DGKZ: variants seen among roughly 807,000 people sequenced by gnomAD.
DGKZ encodes diacylglycerol kinase zeta.
DGKZ carries 45 observed loss-of-function variants against 142.5 expected under a neutral mutation model. That is an observed-to-expected ratio of 0.32 (90% CI 0.25 to 0.40). The LOEUF is 0.40. DGKZ is among the 10% of genes least tolerant of loss of function. The pLI is 1.00. For synonymous variants in DGKZ, 442 were observed against 527.0 expected (o/e 0.84, Z 2.21); for missense variants, 755 against 1,306.5 (o/e 0.58, Z 6.51).
intron 1 of DGKZ, among the ~76,000 whole-genome samples, chr11:46,353,078 C>T (rs945440527): frequency 3.9e-5 from 6 of 152,206 alleles, no homozygotes; most frequent in African/African-American, 9.7e-5. Flanking sequence ...ACAGGAGTGG[C>T]GTTCCAGCTC....
intron 21 of DGKZ, 27 bp downstream of exon 21, chr11:46,375,978 G>C (rs1005060467): frequency 6.2e-7 from 1 of 1,611,634 alleles, no homozygotes. Context: ...GGCCTGGCAG[G>C]GTGGCCAGGA....
intron 25 of DGKZ, chr11:46,377,565 CTCGAACCCCCA>C (rs1944693886): frequency 3.1e-6 from 1 of 327,514 alleles, no homozygotes; most frequent in South Asian, 6.1e-5. Flanking sequence ...CATTCGTGCC[CTCGAACCCCCA>C]TCTCCATACC....
chr11:46,361,656 G>T, intron 1 of DGKZ: 1 of 985,594 alleles, frequency 1.0e-6, no homozygotes, highest in Non-Finnish European at 1.2e-6. Context: ...TGGATCCAGA[G>T]CCCGGCCTTG....
chr11:46,351,644 C>A (rs1941400037), intron 1 of DGKZ, among the ~76,000 whole-genome samples: 1 of 152,200 alleles, frequency 6.6e-6, no homozygotes, highest in Non-Finnish European at 1.5e-5. Flanking sequence ...CTCACCTGGG[C>A]TAATGCTGGG....
chr11:46,379,746 A>G (rs916485006), intron 30 of DGKZ, 85 bp from the exon 31 acceptor site: 2 of 1,397,768 alleles, frequency 1.4e-6, no homozygotes, highest in Non-Finnish European at 1.9e-6. Context: ...ACCAGGCCAC[A>G]GGGAGGTAGA....
chr11:46,355,740 T>C (rs1941943598), intron 1 of DGKZ, among the ~76,000 whole-genome samples: 1 of 151,638 alleles, frequency 6.6e-6, no homozygotes, highest in South Asian at 2.1e-4. Flanking sequence ...GGGGAGGTGT[T>C]AAATTTTTTT....
chr11:46,379,273 G>A (rs372720627), intron 29 of DGKZ, 37 bp downstream of exon 29: 8 of 1,612,316 alleles, frequency 5.0e-6, no homozygotes, highest in South Asian at 3.3e-5. Flanking sequence ...TGGTCACCCC[G>A]GAAACCACCC....
chr11:46,335,427 G>A (rs1039264435), intron 1 of DGKZ, among the ~76,000 whole-genome samples: 154 of 147,928 alleles, frequency 1.0e-3, no homozygotes, highest in African/African-American at 3.4e-3. Flanking sequence ...ACACGTGCAC[G>A]CACACACACA....
At chr11:46,341,483 G>A (rs61882675) in intron 1 of DGKZ, among the ~76,000 whole-genome samples, 25 of 152,182 alleles carry the variant, frequency 1.6e-4, no homozygotes, top group Non-Finnish European at 2.5e-4. Context: ...AATATTTGTC[G>A]TACAAATGAA....
intron 14 of DGKZ, 121 bp from the exon 15 acceptor site, chr11:46,374,036 C>A: frequency 9.4e-7 from 1 of 1,060,872 alleles, no homozygotes. Context: ...CCCTAGCGGA[C>A]GCTGCTGACC....
At chr11:46,378,538 TCCCTCGGGC>T in intron 27 of DGKZ, 38 bp downstream of exon 27, 1 of 1,612,786 alleles carries the variant, frequency 6.2e-7, no homozygotes, top group South Asian at 1.1e-5. Context: ...CCCCAGCAGC[TCCCTCGGGC>T]CCTGGGGAGC....
At chr11:46,352,476 C>T (rs1219536915) in intron 1 of DGKZ, among the ~76,000 whole-genome samples, 4 of 152,226 alleles carry the variant, frequency 2.6e-5, no homozygotes, top group Non-Finnish European at 4.4e-5. Flanking sequence ...CTCTAGCCTC[C>T]TGGCCCCACC....
At chr11:46,379,445 C>T (rs1944963530) in intron 29 of DGKZ, 24 bp from the exon 30 acceptor site, 1 of 1,600,872 alleles carries the variant, frequency 6.2e-7, no homozygotes, top group Non-Finnish European at 8.5e-7. Flanking sequence ...GGATGGGGTA[C>T]ACAGCCAGCC....
exon 20 of DGKZ, chr11:46,375,507 A>G: frequency 2.5e-6 from 4 of 1,591,418 alleles, no homozygotes; most frequent in Non-Finnish European, 3.4e-6. Flanking sequence ...ATCCAAGGCC[A>G]TCCCGGTGCA....
chr11:46,366,765 ATG>A lies in DGKZ; in HGVS notation c.162-525_162-524del, dbSNP rs1943331767. ...GCCTCCTCCCACCTGCTCCCCGCGGATGCCGTATATGACCACGCTCTCTGGGG... is the reference window on the plus strand; with the variant it reads ...GCCTCCTCCCACCTGCTCCCCGCGGACCGTATATGACCACGCTCTCTGGGG... On this transcript the variant is annotated intron_variant, in intron 1 of 30. Transcript: ENST00000527911. The A allele has an allele frequency of 1.9e-6, 3 of 1,549,348 alleles. No homozygotes were observed. Among genetic ancestry groups the A allele is most frequent in the Non-Finnish European group, 2.6e-6 (3 of 1,148,918 alleles).
At chr11:46,337,846 G>A (rs1387569524) in intron 1 of DGKZ, among the ~76,000 whole-genome samples, 4 of 152,272 alleles carry the variant, frequency 2.6e-5, no homozygotes, top group East Asian at 1.9e-4. Flanking sequence ...TGTGGCTGGC[G>A]GAGGGCTTCC....
chr11:46,346,872 G>T (rs780873283), upstream of DGKZ, among the ~76,000 whole-genome samples: 3 of 152,180 alleles, frequency 2.0e-5, no homozygotes, highest in Non-Finnish European at 2.9e-5. Context: ...GGAGAAACTT[G>T]TGAGTTCTTT....
At chr11:46,379,018 G>C (rs754960999) in exon 28 of DGKZ, 6 of 1,583,854 alleles carry the variant, frequency 3.8e-6, no homozygotes, top group Non-Finnish European at 5.1e-6. Flanking sequence ...AGCTGGGGGC[G>C]ACCTCATGCA....
At chr11:46,340,348 C>A (rs1371394905) in intron 1 of DGKZ, among the ~76,000 whole-genome samples, 1 of 152,184 alleles carries the variant, frequency 6.6e-6, no homozygotes, top group Non-Finnish European at 1.5e-5. Context: ...GCAGGAGACA[C>A]ACTGACCGTG....
Sources: allele counts gnomAD v4.1 joint callset (sites outside exome capture counted in the v4.1 genomes callset), GRCh38; gene constraint gnomAD v4.1.1; transcripts MANE v1.5; gene names NCBI Gene and HGNC (gene_info 2026-07-23, HGNC 2026-07-21).